Variants in ZER1 observed in about 807,000 individuals in gnomAD.
The protein encoded by ZER1 is protein zer-1 homolog.
ZER1 carries 11 observed loss-of-function variants against 78.8 expected under a neutral mutation model. That is an observed-to-expected ratio of 0.14 (90% CI 0.09 to 0.23). ZER1 has a LOEUF of 0.23. Ranked by LOEUF, ZER1 falls within the 10% of genes least tolerant of loss-of-function variation. The pLI, the probability that ZER1 is intolerant of heterozygous loss-of-function variation, is 1.00. For missense variants in ZER1, 588 were observed against 996.9 expected, an observed-to-expected ratio of 0.59 and a Z score of 5.52; for synonymous variants, 400 against 407.0, an observed-to-expected ratio of 0.98 and a Z score of 0.21.
chr9:128,731,223 G>A lies in ZER1; in HGVS notation c.*114C>T, dbSNP rs1248981838. On this transcript the variant is annotated 3_prime_UTR_variant, in exon 16 of 16. Transcript: ENST00000291900. ...CGTCGGTTGTGCAAAAGTCCCCCAT[G>A]TCTCTTCACTCCGTGGGAGGCTCCC... 1.2e-6 allele frequency: 1 copy of A among 813,206 alleles called. No individual in the cohort carries two copies. The highest frequency in any genetic ancestry group is 1.9e-6 in the Non-Finnish European group (1 of 523,592). The allele number at this position is 813,206 out of a possible 1,614,324, so 50.4% of individuals were successfully genotyped here. A position where few individuals can be genotyped will look rare whatever the true frequency, so the allele number is the denominator to read the frequency against.
chr9:128,737,515 G>A (rs564347933), intron 13 of ZER1, among the ~76,000 whole-genome samples: 2 of 152,322 alleles, frequency 1.3e-5, no homozygotes, highest in South Asian at 4.1e-4. Flanking sequence ...AAGTGACTCC[G>A]TCCTAAAATG....
intron 1 of ZER1, among the ~76,000 whole-genome samples, chr9:128,757,561 A>T (rs1213933345): frequency 1.3e-5 from 2 of 152,010 alleles, no homozygotes; most frequent in Admixed American, 1.3e-4. Flanking sequence ...CAGGCATTTC[A>T]TGAAGGAAGA....
chr9:128,751,642 C>T lies in ZER1; in HGVS notation c.924-115G>A. ...TCTCTTCTAGGCCCTCCAACCTCATCCCCTACTCCTTTTGTTTTTAATGGT... is the reference window on the plus strand; with the variant it reads ...TCTCTTCTAGGCCCTCCAACCTCATTCCCTACTCCTTTTGTTTTTAATGGT... On this transcript the variant is annotated intron_variant, in intron 5 of 15. Transcript: ENST00000291900. The surrounding 1 kb of genome is among the most constrained non-coding windows in gnomAD (Gnocchi z 5.4). The T allele has an allele frequency of 1.3e-6, 1 of 782,036 alleles. No homozygotes were observed. Among genetic ancestry groups the T allele is most frequent in the Admixed American group, 2.4e-5 (1 of 41,678 alleles). 48.4% of individuals were successfully genotyped at this position (782,036 alleles called of 1,614,324 possible). A position where few individuals can be genotyped will look rare whatever the true frequency, so the allele number is the denominator to read the frequency against.
chr9:128,755,766 C>G lies in ZER1; in HGVS notation c.-94-107G>C. ...GAAACTGAGACCACACTCCAATTAG[C>G]AGCTTAGCAGGGCCAGGCCCAGGTC... On this transcript the variant is annotated intron_variant, in intron 1 of 15. Coordinates refer to ENST00000291900, the MANE Select transcript of ZER1 (RefSeq NM_006336.4). The surrounding 1 kb of genome is among the most constrained non-coding windows in gnomAD (Gnocchi z 5.6). 1.5e-6 allele frequency: 1 copy of G among 654,934 alleles called. No individual in the cohort carries two copies. Among genetic ancestry groups the G allele is most frequent in the South Asian group, 2.3e-5 (1 of 43,800 alleles). The allele number at this position is 654,934 out of a possible 1,614,324, so 40.6% of individuals were successfully genotyped here.
At chr9:128,764,295 A>G (rs917434861) in intron 1 of ZER1, among the ~76,000 whole-genome samples, 1 of 151,970 alleles carries the variant, frequency 6.6e-6, no homozygotes, top group Non-Finnish European at 1.5e-5. Flanking sequence ...GGTATAGTAC[A>G]CTCTCGCATT....
intron 1 of ZER1, among the ~76,000 whole-genome samples, chr9:128,760,812 A>T (rs1277165542): frequency 3.0e-5 from 3 of 99,462 alleles, no homozygotes; most frequent in African/African-American, 9.2e-5. Flanking sequence ...GACTCCGTTT[A>T]AAAAAAAAAA....
intron 1 of ZER1, among the ~76,000 whole-genome samples, chr9:128,760,508 GTTTTC>G (rs1265202946): frequency 2.6e-5 from 4 of 152,058 alleles, no homozygotes; most frequent in Non-Finnish European, 5.9e-5. Context: ...AGCCCCAAAA[GTTTTC>G]TTTTAAGTGC....
intron 1 of ZER1, among the ~76,000 whole-genome samples, chr9:128,764,965 C>G (rs1056226062): frequency 1.3e-5 from 2 of 152,168 alleles, no homozygotes; most frequent in Non-Finnish European, 2.9e-5. Context: ...GCACCAGCAG[C>G]AGCAGCAGCA....
At chr9:128,733,159 AATTTGTTGGGAATAAAAGAAAACT>A (rs1300912377) in intron 15 of ZER1, 26 of 424,628 alleles carry the variant, frequency 6.1e-5, no homozygotes, top group Non-Finnish European at 1.0e-4. Context: ...AAAAGGATGG[AATTTGTTGGGAATAAAAGAAAACT>A]AAGCTTACAA....
rs1360807226 is a variant in ZER1 at position 128,730,014 on chromosome 9, C to T, written c.*1323G>A. 6.6e-6 allele frequency: 1 copy of T among 152,326 alleles called. No individual in the cohort carries two copies. The highest frequency in any genetic ancestry group is 1.9e-4 in the East Asian group (1 of 5,184). 9.4% of individuals were successfully genotyped at this position (152,326 alleles called of 1,614,324 possible). On this transcript the variant is annotated 3_prime_UTR_variant, in exon 16 of 16. Coordinates refer to ENST00000291900, the MANE Select transcript of ZER1 (RefSeq NM_006336.4). ...GGGAGAGGCTCCAGGAGAAAAAGGC[C>T]AGGTGTCTCTCCCAAAGCTGCTCAC...
chr9:128,744,359 T>C (rs4837303), intron 8 of ZER1, among the ~76,000 whole-genome samples: 136,681 of 151,662 alleles, frequency 0.9, 63,152 homozygotes, highest in Non-Finnish European at 1. Flanking sequence ...GCCCAGCTAA[T>C]TTTTTTGTAT....
At chr9:128,742,878 T>C in intron 8 of ZER1, 133 bp from the exon 9 acceptor site, 1 of 830,986 alleles carries the variant, frequency 1.2e-6, no homozygotes. Flanking sequence ...GAGGAGGCTA[T>C]ACAAGTCTTC....
intron 1 of ZER1, among the ~76,000 whole-genome samples, chr9:128,758,113 T>C (rs1007808478): frequency 7.9e-5 from 12 of 151,344 alleles, no homozygotes; most frequent in African/African-American, 2.9e-4. Context: ...TTTTAATTTT[T>C]AGTTTAGGTT....
At chr9:128,758,026 T>C (rs1056237522) in intron 1 of ZER1, among the ~76,000 whole-genome samples, 20 of 151,812 alleles carry the variant, frequency 1.3e-4, no homozygotes, top group African/African-American at 4.8e-4. Flanking sequence ...GGTATATTCA[T>C]CTACTAAATA....
In ZER1 at chr9:128,731,386, A is replaced by G. The variant is rs537903136; in HGVS notation, c.2252T>C (p.Ile751Thr). Residue 751 changes from isoleucine (I) to threonine (T), a missense_variant, in exon 16 of 16, where the codon ATT becomes ACT. Physicochemically the swap from Ile to Thr is moderately conservative, Grantham distance 89 (BLOSUM62 -1). Coordinates refer to ENST00000291900, the MANE Select transcript of ZER1 (RefSeq NM_006336.4). ...CTCTTTAAAGTTACTGCAGTGCTCA[A>G]TCACCTTGCTGGAGACAATGGGGGA... Reference protein sequence around the residue: ...QETKEMARKVIEHCSNFKEEN... With the variant: ...QETKEMARKVTEHCSNFKEEN... 76 of 1,557,198 alleles carry G rather than the reference A, an allele frequency of 4.9e-5. No individual in the cohort carries two copies. In the South Asian group the frequency reaches 7.9e-4, roughly 16 times the overall value.
chr9:128,739,960 G>T lies in ZER1; in HGVS notation c.2013C>A (p.Asp671Glu). The T allele has an allele frequency of 1.2e-6, 2 of 1,612,000 alleles. No individual in the cohort carries two copies. Among genetic ancestry groups the T allele is most frequent in the Non-Finnish European group, 1.7e-6 (2 of 1,178,248 alleles). The change falls in exon 13 of 16, where the codon GAC becomes GAA. Residue 671 changes from aspartate (D) to glutamate (E), a missense_variant. Transcript: ENST00000291900. ...AATTGATGTTTCTCCGAGAGTTTAT[G>T]TCCCAGCTCTGGATGGCAGCCCACA... The part of the protein sequence containing the change: ...ERMWAAIQSW[D>E]INSRRNINYR...
Position 128,740,986 on chromosome 9 carries a change from A to G in ZER1, c.1738-99T>C. ...AGCTTCATGGGCATCTGGCCATGCC[A>G]ACTAGACAAAGAGGGGGCATATATG... is the stretch of plus-strand genomic sequence containing the variant. On this transcript the variant is annotated intron_variant, in intron 11 of 15. Transcript: ENST00000291900. The surrounding 1 kb of genome is among the most constrained non-coding windows in gnomAD (Gnocchi z 4.4). The G allele has an allele frequency of 1.4e-6, 1 of 703,722 alleles. No individual in the cohort carries two copies. Among genetic ancestry groups the G allele is most frequent in the South Asian group, 1.5e-5 (1 of 64,826 alleles). The allele number at this position is 703,722 out of a possible 1,614,324, so 43.6% of individuals were successfully genotyped here.
Position 128,740,056 on chromosome 9 carries a change from G to A in ZER1, c.1917C>T (p.Ser639=), listed in dbSNP as rs750830435. The A allele has an allele frequency of 6.2e-7, 1 of 1,613,970 alleles. No individual in the cohort carries two copies. Among genetic ancestry groups the A allele is most frequent in the Non-Finnish European group, 8.5e-7 (1 of 1,179,894 alleles). Residue 639 remains serine (S), a synonymous_variant, in exon 13 of 16, where the codon TCC becomes TCT. Coordinates refer to ENST00000291900, the MANE Select transcript of ZER1 (RefSeq NM_006336.4). This position sits in a 1 kb window ranked among gnomAD's most constrained non-coding sequence, Gnocchi z 4.4. ...EVSYNACGVL[S]HIMFDGPEAW... Reference sequence around the variant, plus strand: ...CCTCGGGTCCATCAAACATGATGTGGGAGAGGACGCCGCAGGCATTGTAGG... The same window carrying A: ...CCTCGGGTCCATCAAACATGATGTGAGAGAGGACGCCGCAGGCATTGTAGG...
intron 15 of ZER1, among the ~76,000 whole-genome samples, chr9:128,731,724 T>A (rs1374645368): frequency 1.3e-5 from 2 of 152,228 alleles, no homozygotes; most frequent in African/African-American, 4.8e-5. Flanking sequence ...GAAGTTTCTT[T>A]AGCGACCTCT....
Sources: allele counts gnomAD v4.1 joint callset (sites outside exome capture counted in the v4.1 genomes callset), GRCh38; gene constraint gnomAD v4.1.1; non-coding constraint Gnocchi (gnomAD v3.1); transcripts MANE v1.5; gene names NCBI Gene and HGNC (gene_info 2026-07-23, HGNC 2026-07-21).